Variants in PPIP5K2 observed in about 807,000 individuals in gnomAD.
PPIP5K2 encodes diphosphoinositol pentakisphosphate kinase 2.
Under a neutral mutation model 154.6 loss-of-function variants are expected in PPIP5K2, and 105 were observed. The observed-to-expected ratio is 0.68, with a 90% CI of 0.58 to 0.80. The LOEUF (loss-of-function observed/expected upper bound fraction) is 0.80, where lower values mean the gene tolerates loss of function less well. Among genes scored for constraint, PPIP5K2 ranks in the 30% least tolerant of loss-of-function variants. The pLI is 0.00. For missense variants in PPIP5K2, 992 were observed against 1,504.6 expected (o/e 0.66, Z 5.64); for synonymous variants, 480 against 490.3 (o/e 0.98, Z 0.28).
chr5:103,146,732 GTAT>G, intron 6 of PPIP5K2, 51 bp downstream of exon 6: 4 of 1,446,248 alleles, frequency 2.8e-6, no homozygotes, highest in Non-Finnish European at 3.7e-6. Flanking sequence ...ACATTGTCGT[GTAT>G]TATTAAAAGC....
At position 103,206,210 on chromosome 5, in the gene PPIP5K2, T is replaced by A. The variant is rs546008232; in HGVS notation, c.*4576T>A. 7.2e-5 allele frequency: 11 copies of A among 152,308 alleles called. No individual in the cohort carries two copies. The South Asian group carries it at 2.1e-3, about 29-fold the overall frequency. 9.4% of individuals were successfully genotyped at this position (152,308 alleles called of 1,614,324 possible). A position where few individuals can be genotyped will look rare whatever the true frequency, so the allele number is the denominator to read the frequency against. On this transcript the variant is annotated 3_prime_UTR_variant, in exon 31 of 31. Coordinates refer to ENST00000358359, the MANE Select transcript of PPIP5K2 (RefSeq NM_001276277.3). The stretch of plus-strand genomic sequence containing the variant: ...AGCCACAGTTGCATTAGCCATATTG[T>A]CATCAAAAGCCCAAGTGACCTCCCT...
chr5:103,209,413 A>G lies in PPIP5K2; in HGVS notation c.*7779A>G, dbSNP rs1554232462. ...CCCAAAGCAGTGTTTAAAAAAAAAA[A>G]GTATTTAAATAAAATCAAGGATACC... On this transcript the variant is annotated 3_prime_UTR_variant, in exon 31 of 31. Transcript: ENST00000358359. The G allele has an allele frequency of 6.6e-6, 1 of 152,114 alleles. No homozygotes were observed. Among genetic ancestry groups the G allele is most frequent in the African/African-American group, 2.4e-5 (1 of 41,430 alleles). The allele number at this position is 152,114 out of a possible 1,614,324, so 9.4% of individuals were successfully genotyped here.
At chr5:103,177,579 G>A in intron 21 of PPIP5K2, 88 bp from the exon 22 acceptor site, 1 of 804,980 alleles carries the variant, frequency 1.2e-6, no homozygotes, top group Non-Finnish European at 2.0e-6. Context: ...GGTATCACTA[G>A]GATTAAACAA....
At chr5:103,194,666 G>A (rs892884327) in intron 29 of PPIP5K2, 6 of 333,738 alleles carry the variant, frequency 1.8e-5, no homozygotes, top group African/African-American at 1.1e-4. Context: ...TTCCTTTGGT[G>A]CATACTATTT....
chr5:103,179,974 T>G (rs1460249750), intron 23 of PPIP5K2, 47 bp from the exon 24 acceptor site: 1 of 1,437,136 alleles, frequency 7.0e-7, no homozygotes, highest in Non-Finnish European at 9.2e-7. Context: ...TCAGAAGAGA[T>G]TTCTTAAATC....
At chr5:103,148,822 A>C (rs1171526768) in intron 7 of PPIP5K2, among the ~76,000 whole-genome samples, 1 of 151,124 alleles carries the variant, frequency 6.6e-6, no homozygotes, top group Non-Finnish European at 1.5e-5. Context: ...TGTAAGTTTT[A>C]TAGTTATTTG....
chr5:103,133,358 A>G, intron 2 of PPIP5K2, 95 bp from the exon 3 acceptor site: 1 of 921,806 alleles, frequency 1.1e-6, no homozygotes, highest in Non-Finnish European at 1.6e-6. Context: ...TTTATTAATC[A>G]CATGCCTTAT....
intron 30 of PPIP5K2, among the ~76,000 whole-genome samples, chr5:103,198,020 C>G (rs563134258): frequency 2.0e-5 from 3 of 152,086 alleles, no homozygotes; most frequent in Admixed American, 2.0e-4. Flanking sequence ...CTATTTCAAA[C>G]ATTTAAACCT....
At position 103,209,915 on chromosome 5, in the gene PPIP5K2, C is replaced by T. The variant is rs1478431947; in HGVS notation, c.*8281C>T. 6.6e-6 allele frequency: 1 copy of T among 151,722 alleles called. No individual in the cohort carries two copies. The highest frequency in any genetic ancestry group is 1.5e-5 in the Non-Finnish European group (1 of 67,920). 9.4% of individuals were successfully genotyped at this position (151,722 alleles called of 1,614,324 possible). ...TATCATTACGACTTTTTTTTCATGC[C>T]ACATAGATATGCTGATTTGTCCAAC... On this transcript the variant is annotated 3_prime_UTR_variant, in exon 31 of 31. Coordinates refer to ENST00000358359, the MANE Select transcript of PPIP5K2 (RefSeq NM_001276277.3).
At chr5:103,183,541 T>A in intron 25 of PPIP5K2, 134 bp downstream of exon 25, 3 of 715,498 alleles carry the variant, frequency 4.2e-6, no homozygotes, top group South Asian at 4.2e-5. Context: ...TGAGTTCATT[T>A]AAAAATACTT....
Position 103,201,712 on chromosome 5 carries a change from T to A in PPIP5K2, c.*78T>A. 1.9e-6 allele frequency: 2 copies of A among 1,031,064 alleles called. No homozygotes were observed. The highest frequency in any genetic ancestry group is 2.8e-6 in the Non-Finnish European group (2 of 711,034). The allele number at this position is 1,031,064 out of a possible 1,614,324, so 63.9% of individuals were successfully genotyped here. ...TGTTTCTCCTTATGCATTTATGTGT[T>A]CACTTAAAAATGTTTTTAAATCTAA... On this transcript the variant is annotated 3_prime_UTR_variant, in exon 31 of 31. Transcript: ENST00000358359.
At position 103,198,528 on chromosome 5, in the gene PPIP5K2, T is replaced by C. The variant is rs139789569; in HGVS notation, c.3620-2994T>C. 6.2e-4 allele frequency among the ~76,000 whole-genome samples: 94 copies of C among 152,324 alleles called. 1 individual carries two copies. Among genetic ancestry groups the C allele is most frequent in the African/African-American group, 2.2e-3 (92 of 41,586 alleles). On this transcript the variant is annotated intron_variant, in intron 30 of 30. Transcript: ENST00000358359. ...GATTACACTCACAACTGCAGAATTG[T>C]CTGTTTCTCCCTTTAATTTGGTAGA...
chr5:103,153,863 T>C lies in PPIP5K2; in HGVS notation c.1146T>C (p.Cys382=). Residue 382 remains cysteine, a synonymous_variant, in exon 11 of 31, where the codon TGT becomes TGC. Transcript: ENST00000358359. ...TTCATTTTAGGATGGAACTTAGATG[T>C]GTCATAGCTGTTATACGTCATGGGG... ...TTSGTMMELR[C]VIAVIRHGDR... 2 of 1,601,414 alleles carry C rather than the reference T, an allele frequency of 1.2e-6. No homozygotes were observed. Among genetic ancestry groups the C allele is most frequent in the East Asian group, 2.2e-5 (1 of 44,492 alleles).
chr5:103,141,319 G>C (rs1037865237), intron 5 of PPIP5K2, among the ~76,000 whole-genome samples: 2 of 151,960 alleles, frequency 1.3e-5, no homozygotes. Flanking sequence ...TGGTGGGTTC[G>C]TGGTCTCGCT....
At chr5:103,183,795 A>G (rs1799943081) in intron 25 of PPIP5K2, among the ~76,000 whole-genome samples, 1 of 152,226 alleles carries the variant, frequency 6.6e-6, no homozygotes, top group African/African-American at 2.4e-5. Flanking sequence ...ATTTTCTTCC[A>G]TAATTGAAAA....
At chr5:103,161,274 A>C (rs1273405296) in intron 17 of PPIP5K2, among the ~76,000 whole-genome samples, 1 of 152,064 alleles carries the variant, frequency 6.6e-6, no homozygotes, top group Non-Finnish European at 1.5e-5. Context: ...CCATGTCCCT[A>C]CAAAGGACAT....
At chr5:103,133,811 C>T (rs1299901186) in intron 3 of PPIP5K2, among the ~76,000 whole-genome samples, 163 bp downstream of exon 3, 4 of 151,994 alleles carry the variant, frequency 2.6e-5, no homozygotes, top group Admixed American at 1.3e-4. Context: ...TGTTTGTCTT[C>T]TATGTGTATT....
chr5:103,202,479 C>T lies in PPIP5K2; in HGVS notation c.*845C>T, dbSNP rs1554230939. The T allele has an allele frequency of 6.6e-6, 1 of 152,048 alleles. No individual in the cohort carries two copies. Among genetic ancestry groups the T allele is most frequent in the African/African-American group, 2.4e-5 (1 of 41,408 alleles). The allele number at this position is 152,048 out of a possible 1,614,324, so 9.4% of individuals were successfully genotyped here. ...AAGAAGTCAGTTCAAAAATGGAAAT[C>T]AACAATGTTAGGAGAAATCTGAATT... On this transcript the variant is annotated 3_prime_UTR_variant, in exon 31 of 31. Transcript: ENST00000358359.
chr5:103,127,947 T>G (rs997619471), intron 1 of PPIP5K2, among the ~76,000 whole-genome samples: 15 of 152,016 alleles, frequency 9.9e-5, no homozygotes, highest in East Asian at 1.9e-4. Flanking sequence ...TGTTGTTGTT[T>G]TTTTTTTCAG....
Sources: allele counts gnomAD v4.1 joint callset (sites outside exome capture counted in the v4.1 genomes callset), GRCh38; gene constraint gnomAD v4.1.1; transcripts MANE v1.5; gene names NCBI Gene and HGNC (gene_info 2026-07-23, HGNC 2026-07-21).